The following RBMS1 variants were observed in gnomAD, a reference collection of about 807,000 sequenced individuals.
RBMS1 encodes the protein RNA-binding motif, single-stranded-interacting protein 1.
In RBMS1, 17 loss-of-function variants were observed where a neutral mutation model predicts 62.3. The observed-to-expected ratio is 0.27, with a 90% CI of 0.19 to 0.41. The LOEUF (loss-of-function observed/expected upper bound fraction) is 0.41. Ranked by LOEUF, RBMS1 falls within the 10% of genes least tolerant of loss-of-function variation. RBMS1 has a pLI of 1.00. For synonymous variants in RBMS1, 172 were observed against 170.0 expected (o/e 1.01, Z -0.09); for missense variants, 334 against 504.5 (o/e 0.66, Z 3.24).
intron 2 of RBMS1, among the ~76,000 whole-genome samples, chr2:160,322,110 T>G (rs576195216): frequency 3.9e-5 from 6 of 152,362 alleles, no homozygotes; most frequent in Admixed American, 2.6e-4. Context: ...CCAGGTACTT[T>G]GCATGTATGC....
intron 1 of RBMS1, among the ~76,000 whole-genome samples, chr2:160,423,359 T>C (rs1402902141): frequency 2.4e-5 from 3 of 126,250 alleles, no homozygotes. Flanking sequence ...TCTTCTCTAT[T>C]CTAAAAAAAA....
At chr2:160,441,297 G>A (rs1391690067) in intron 1 of RBMS1, among the ~76,000 whole-genome samples, 1 of 152,122 alleles carries the variant, frequency 6.6e-6, no homozygotes, top group East Asian at 1.9e-4. Flanking sequence ...TCCAGTTTGG[G>A]GCTTTAAAAA....
chr2:160,308,461 G>C (rs946123001), intron 4 of RBMS1, among the ~76,000 whole-genome samples: 12 of 152,076 alleles, frequency 7.9e-5, no homozygotes, highest in African/African-American at 2.7e-4. Flanking sequence ...TGTTTCAGGT[G>C]CTCCTTTATC....
At position 160,493,352 on chromosome 2, in the gene RBMS1, C is replaced by T. The variant is rs1433910257; in HGVS notation, c.12G>A (p.Val4=). MGK[V]WKQQMYPQYA... ...ACTGAGGGTACATCTGCTGTTTCCA[C>T]ACTTTGCCCATGAAGCTGGAAGGGA... Residue 4 remains valine (V), a synonymous_variant, in exon 1 of 14, where the codon GTG becomes GTA. Coordinates refer to ENST00000348849, the MANE Select transcript of RBMS1 (RefSeq NM_016836.4). 1 of 1,613,440 alleles carries T rather than the reference C, an allele frequency of 6.2e-7. No homozygotes were observed. Among genetic ancestry groups the T allele is most frequent in the South Asian group, 1.1e-5 (1 of 91,072 alleles).
intron 5 of RBMS1, among the ~76,000 whole-genome samples, chr2:160,301,907 G>T (rs891973671): frequency 2.0e-5 from 3 of 152,122 alleles, no homozygotes; most frequent in African/African-American, 7.2e-5. Flanking sequence ...GTGTATAAAA[G>T]CAAACCCTCA....
chr2:160,493,078 T>G (rs1685919096), intron 1 of RBMS1: 5 of 540,348 alleles, frequency 9.3e-6, no homozygotes, highest in Non-Finnish European at 1.6e-5. Context: ...CGCGGCTTTC[T>G]GTAACCCGAT....
intron 1 of RBMS1, among the ~76,000 whole-genome samples, chr2:160,483,520 C>T (rs540765742): frequency 6.6e-6 from 1 of 152,154 alleles, no homozygotes; most frequent in Non-Finnish European, 1.5e-5. Flanking sequence ...GAAGAGAAAA[C>T]CCAAATCAGG....
chr2:160,369,297 C>T (rs1693596184), intron 1 of RBMS1, among the ~76,000 whole-genome samples: 1 of 152,204 alleles, frequency 6.6e-6, no homozygotes, highest in Non-Finnish European at 1.5e-5. Flanking sequence ...AGATATAAAA[C>T]TAAGACCAAA....
chr2:160,426,172 G>A (rs978660664), intron 1 of RBMS1, among the ~76,000 whole-genome samples: 2 of 150,210 alleles, frequency 1.3e-5, no homozygotes, highest in African/African-American at 4.9e-5. Flanking sequence ...CAATTAAAGT[G>A]TTGCCTGGTG....
At chr2:160,275,841 A>C (rs1687808977) in intron 12 of RBMS1, 127 bp from the exon 13 acceptor site, 1 of 1,327,496 alleles carries the variant, frequency 7.5e-7, no homozygotes, top group African/African-American at 1.5e-5. Flanking sequence ...TCTTCACGTC[A>C]TGTAGAGCTT....
chr2:160,278,389 T>C (rs955988850), intron 11 of RBMS1, 159 bp downstream of exon 11: 3 of 651,948 alleles, frequency 4.6e-6, no homozygotes, highest in Admixed American at 4.9e-5. Context: ...AATTAAGAAA[T>C]AGCTGAGTAT....
intron 1 of RBMS1, among the ~76,000 whole-genome samples, chr2:160,492,354 T>C (rs752526465): frequency 1.3e-5 from 2 of 152,084 alleles, no homozygotes; most frequent in Non-Finnish European, 2.9e-5. Flanking sequence ...CAAATTCTTA[T>C]TGTAAAAATA....
chr2:160,300,743 A>G lies in RBMS1; in HGVS notation c.561-13T>C, dbSNP rs1689165699. 6 of 1,563,098 alleles carry G rather than the reference A, an allele frequency of 3.8e-6. No homozygotes were observed. Among genetic ancestry groups the G allele is most frequent in the Middle Eastern group, 2.0e-4 (1 of 4,908 alleles). Reference sequence around the variant, plus strand: ...TGTTGATTCCATCCTATTTATAATAAAAATAGAATACATAAATATTTAAAG... The same window carrying G: ...TGTTGATTCCATCCTATTTATAATAGAAATAGAATACATAAATATTTAAAG... On this transcript the variant is annotated splice_polypyrimidine_tract_variant and intron_variant, in intron 5 of 13. Coordinates refer to ENST00000348849, the MANE Select transcript of RBMS1 (RefSeq NM_016836.4).
At chr2:160,362,739 C>T (rs529734446) in intron 2 of RBMS1, among the ~76,000 whole-genome samples, 14 of 152,058 alleles carry the variant, frequency 9.2e-5, no homozygotes, top group Non-Finnish European at 1.6e-4. Flanking sequence ...TGCCAATAGA[C>T]TTGCCCAATG....
chr2:160,274,822 A>G (rs1295469011), intron 13 of RBMS1, 58 bp from the exon 14 acceptor site: 1 of 152,586 alleles, frequency 6.6e-6, no homozygotes, highest in Admixed American at 6.5e-5. Context: ...AACACTACAG[A>G]GCTTTGTAAT....
At chr2:160,332,939 TACAG>T (rs746434917) in intron 2 of RBMS1, among the ~76,000 whole-genome samples, 139 of 151,516 alleles carry the variant, frequency 9.2e-4, no homozygotes, top group Non-Finnish European at 1.5e-3. Flanking sequence ...CGAGTGTTTA[TACAG>T]ACATACACAT....
At chr2:160,451,118 C>T (rs971514277) in intron 1 of RBMS1, among the ~76,000 whole-genome samples, 2 of 150,680 alleles carry the variant, frequency 1.3e-5, no homozygotes, top group Non-Finnish European at 2.9e-5. Context: ...ATGAGCACCA[C>T]TGTATTCCAG....
chr2:160,482,754 T>C (rs910029817), intron 1 of RBMS1, among the ~76,000 whole-genome samples: 5 of 152,120 alleles, frequency 3.3e-5, no homozygotes, highest in African/African-American at 7.2e-5. Context: ...AAATGACCCA[T>C]TTGCAGGATT....
At chr2:160,292,397 T>C (rs1254229459) in intron 6 of RBMS1, among the ~76,000 whole-genome samples, 1 of 152,256 alleles carries the variant, frequency 6.6e-6, no homozygotes, top group East Asian at 1.9e-4. Context: ...TTTTGAATTA[T>C]GGCTCCTCCT....
Sources: allele counts gnomAD v4.1 joint callset (sites outside exome capture counted in the v4.1 genomes callset), GRCh38; gene constraint gnomAD v4.1.1; transcripts MANE v1.5; gene names NCBI Gene and HGNC (gene_info 2026-07-23, HGNC 2026-07-21).